URB1: variants seen among roughly 807,000 people sequenced by gnomAD.
URB1 encodes nucleolar pre-ribosomal-associated protein 1.
In URB1, 197 loss-of-function variants were observed where a neutral mutation model predicts 242.3. The observed-to-expected ratio is 0.81, with a 90% confidence interval of 0.72 to 0.91. URB1 has a LOEUF of 0.91. URB1 is among the 40% of genes least tolerant of loss of function. The probability of loss-of-function intolerance (pLI) is 0.00; values close to 1 mark genes in which losing one functional copy is unlikely to be tolerated. For synonymous variants in URB1, 1,153 were observed against 1,201.8 expected (o/e 0.96, Z 0.84); for missense variants, 2,721 against 2,860.5 (o/e 0.95, Z 1.11).
At position 32,344,763 on chromosome 21, in the gene URB1, CAGG is replaced by C. The variant is rs1568817742; in HGVS notation, c.4071-10_4071-8del. 1.3e-6 allele frequency: 2 copies of C among 1,549,194 alleles called. No individual in the cohort carries two copies. Among genetic ancestry groups the C allele is most frequent in the African/African-American group, 1.4e-5 (1 of 73,074 alleles). On this transcript the variant is annotated splice_region_variant and splice_polypyrimidine_tract_variant and intron_variant, in intron 23 of 38. Coordinates refer to ENST00000382751, the MANE Select transcript of URB1 (RefSeq NM_014825.3). ...GGAGTCGGCCACGATCCACCTGCAG[CAGG>C]AGATGAGAGTCAGAGACAGAGAGCA...
Position 32,349,392 on chromosome 21 carries a change from T to C in URB1, c.2924A>G (p.Asn975Ser), listed in dbSNP as rs778785919. The C allele has an allele frequency of 1.2e-5, 18 of 1,551,370 alleles. No individual in the cohort carries two copies. The highest frequency in any genetic ancestry group is 2.6e-6 in the Non-Finnish European group (3 of 1,146,972). ...CCGGGCGGCCTCGCATCTCTGCTGGTTCTGGGCATCCAGCTGCTCACAGTG... is the reference window on the plus strand; with the variant it reads ...CCGGGCGGCCTCGCATCTCTGCTGGCTCTGGGCATCCAGCTGCTCACAGTG... ...VVHCEQLDAQ[N>S]QQRCEAARAE... Residue 975 changes from asparagine to serine, a missense_variant, in exon 21 of 39, where the codon AAC (asparagine) becomes AGC (serine). Physicochemically the swap from Asn to Ser is conservative, Grantham distance 46. Transcript: ENST00000382751.
In URB1 at chr21:32,313,045, AGAAGGT is replaced by A. The variant is rs2032617254; in HGVS notation, c.*1867_*1872del. On this transcript the variant is annotated 3_prime_UTR_variant, in exon 39 of 39. Transcript: ENST00000382751. ...CTGATGAGCTCCAGAGATGCAGAAA[AGAAGGT>A]GAGGTGCTGAAAATGTGTCCTCACT... 1.3e-5 allele frequency: 2 copies of A among 152,286 alleles called. No individual in the cohort carries two copies. Among genetic ancestry groups the A allele is most frequent in the East Asian group, 3.9e-4 (2 of 5,186 alleles). 9.4% of individuals were successfully genotyped at this position (152,286 alleles called of 1,614,324 possible).
At chr21:32,375,265 GT>G (rs2033446409) in intron 6 of URB1, 132 bp downstream of exon 6, 1 of 520,848 alleles carries the variant, frequency 1.9e-6, no homozygotes, top group South Asian at 4.7e-5. Context: ...TTAGGGAAGA[GT>G]TTTCCACTCA....
At chr21:32,391,562 T>C (rs905523807) in intron 1 of URB1, among the ~76,000 whole-genome samples, 2 of 152,162 alleles carry the variant, frequency 1.3e-5, no homozygotes, top group South Asian at 2.1e-4. Flanking sequence ...AACCCCACAA[T>C]GGCAGAGGCT....
rs1219514200 is a variant in URB1 at position 32,325,217 on chromosome 21, C to A, written c.5121+12G>T. ...CCACCCCCACAGTAGGATGTACGCT[C>A]TTCCTACTTACCTGGGACTGCTCTT... On this transcript the variant is annotated intron_variant, in intron 31 of 38. Coordinates refer to ENST00000382751, the MANE Select transcript of URB1 (RefSeq NM_014825.3). 3 of 1,547,090 alleles carry A rather than the reference C, an allele frequency of 1.9e-6. No homozygotes were observed. The highest frequency in any genetic ancestry group is 2.6e-6 in the Non-Finnish European group (3 of 1,143,718).
chr21:32,324,544 G>T lies in URB1; in HGVS notation c.5180C>A (p.Thr1727Asn). ...NGIRTQDMRL[T>N]FTLALFIAKA... ...GGCAATGAAGAGAGCCAAGGTAAAA[G>T]TAAGTCTCATGTCCTGAGTTCGAAT... Residue 1727 changes from threonine to asparagine, a missense_variant, in exon 32 of 39, where the codon ACT becomes AAT. By Grantham distance (65) the Thr-to-Asn change is moderately conservative. Coordinates refer to ENST00000382751, the MANE Select transcript of URB1 (RefSeq NM_014825.3). 1.3e-6 allele frequency: 2 copies of T among 1,551,908 alleles called. No homozygotes were observed. Among genetic ancestry groups the T allele is most frequent in the Non-Finnish European group, 8.7e-7 (1 of 1,147,028 alleles).
In URB1 at chr21:32,337,500, G is replaced by A; in HGVS notation, c.4525C>T (p.Leu1509=). ...CACATCTCCACCACCGTCAGCATCA[G>A]GTCCACCAGCGCTTCTGCAAGAAAA... ...DSQVKEALVD[L]MLTVVEMCPS... is the part of the protein sequence containing the mutation. The change falls in exon 27 of 39, where the codon CTG becomes TTG. Residue 1509 remains leucine, a synonymous_variant. Coordinates refer to ENST00000382751, the MANE Select transcript of URB1 (RefSeq NM_014825.3). 1.3e-6 allele frequency: 2 copies of A among 1,551,576 alleles called. No homozygotes were observed. Among genetic ancestry groups the A allele is most frequent in the Non-Finnish European group, 1.7e-6 (2 of 1,146,986 alleles).
rs368817965 is a variant in URB1 at position 32,392,998 on chromosome 21, G to T, written c.-88C>A. On this transcript the variant is annotated 5_prime_UTR_variant, in exon 1 of 39. Transcript: ENST00000382751. ...CACAGACAGCAGACACGCGCTTCAG[G>T]CCCACATGGCGCAGGAAGAGGCGGG... is the stretch of plus-strand genomic sequence containing the variant. The T allele has an allele frequency of 1.4e-6, 2 of 1,392,956 alleles. No individual in the cohort carries two copies. Among genetic ancestry groups the T allele is most frequent in the African/African-American group, 3.0e-5 (2 of 67,114 alleles). The allele number at this position is 1,392,956 out of a possible 1,614,324, so 86.3% of individuals were successfully genotyped here.
chr21:32,316,364 A>T (rs2032685165), intron 38 of URB1, 102 bp downstream of exon 38: 2 of 1,426,382 alleles, frequency 1.4e-6, no homozygotes, highest in East Asian at 2.5e-5. Flanking sequence ...CAGCTGAGGA[A>T]GTCAGCAGAA....
chr21:32,386,780 A>AT (rs1040221247), intron 1 of URB1, among the ~76,000 whole-genome samples: 1 of 152,102 alleles, frequency 6.6e-6, no homozygotes, highest in East Asian at 1.9e-4. Flanking sequence ...AGGTATGAGT[A>AT]TTTTTTTCCC....
intron 17 of URB1, among the ~76,000 whole-genome samples, 161 bp downstream of exon 17, chr21:32,354,698 C>T (rs2033198675): frequency 2.6e-5 from 4 of 152,182 alleles, no homozygotes; most frequent in Admixed American, 2.6e-4. Context: ...ATTACATGAA[C>T]ACATAAGGAG....
At chr21:32,325,410 C>T (rs1568809890) in intron 30 of URB1, 21 bp from the exon 31 acceptor site, 4 of 1,541,564 alleles carry the variant, frequency 2.6e-6, no homozygotes, top group Non-Finnish European at 3.5e-6. Flanking sequence ...TGAAATACAG[C>T]ATGAAACACA....
At position 32,325,371 on chromosome 21, in the gene URB1, C is replaced by G; in HGVS notation, c.4979G>C (p.Arg1660Pro). Residue 1660 changes from arginine to proline, a missense_variant, in exon 31 of 39, where the codon CGA (arginine) becomes CCA (proline). Physicochemically the swap from Arg to Pro is moderately radical, Grantham distance 103 (BLOSUM62 -2). Transcript: ENST00000382751. ...LTRPEFVVDC[R>P]KFLDSNALGL... ...CAGAGCATTTGAATCCAAAAATTTT[C>G]GACAATCCACCACAAACTCTGCAGG... 1 of 1,550,652 alleles carries G rather than the reference C, an allele frequency of 6.4e-7. No individual in the cohort carries two copies. Among genetic ancestry groups the G allele is most frequent in the Non-Finnish European group, 8.7e-7 (1 of 1,146,140 alleles).
intron 30 of URB1, among the ~76,000 whole-genome samples, chr21:32,327,282 T>G (rs982094915): frequency 6.6e-6 from 1 of 152,184 alleles, no homozygotes; most frequent in African/African-American, 2.4e-5. Context: ...AATGGCAGAT[T>G]TCTTGTCAGA....
Position 32,314,568 on chromosome 21 carries a change from C to CAGAACACT in URB1, c.*349_*350insAGTGTTCT. 1.2e-6 allele frequency: 2 copies of CAGAACACT among 1,614,120 alleles called. No homozygotes were observed. Among genetic ancestry groups the CAGAACACT allele is most frequent in the Non-Finnish European group, 1.7e-6 (2 of 1,179,940 alleles). On this transcript the variant is annotated 3_prime_UTR_variant, in exon 39 of 39. Coordinates refer to ENST00000382751, the MANE Select transcript of URB1 (RefSeq NM_014825.3). Reference sequence around the variant, plus strand: ...CATTTCAGCTTTAACACAGATGAATCTCTTCTGCATTCAGAAGTGCTGCCT... The same window carrying CAGAACACT: ...CATTTCAGCTTTAACACAGATGAATCAGAACACTTCTTCTGCATTCAGAAGTGCTGCCT...
intron 5 of URB1, among the ~76,000 whole-genome samples, chr21:32,377,710 A>G (rs1167685259): frequency 1.3e-5 from 2 of 152,030 alleles, no homozygotes; most frequent in African/African-American, 4.8e-5. Flanking sequence ...GGCAGTCCAG[A>G]TCTCCCATCC....
At chr21:32,391,607 G>A (rs562489725) in intron 1 of URB1, among the ~76,000 whole-genome samples, 3 of 152,178 alleles carry the variant, frequency 2.0e-5, no homozygotes, top group Admixed American at 1.3e-4. Context: ...TATCTCTACC[G>A]TAGCAAATAA....
intron 16 of URB1, 36 bp from the exon 17 acceptor site, chr21:32,355,033 T>C: frequency 1.3e-6 from 2 of 1,519,992 alleles, no homozygotes; most frequent in Non-Finnish European, 1.8e-6. Context: ...AGCATTCAGA[T>C]GGTCACAGGT....
chr21:32,385,439 C>T, intron 2 of URB1, 106 bp downstream of exon 2: 1 of 1,434,384 alleles, frequency 7.0e-7, no homozygotes, highest in Non-Finnish European at 9.2e-7. Flanking sequence ...GCATCATTTT[C>T]TATAGAAAGT....
Sources: allele counts gnomAD v4.1 joint callset (sites outside exome capture counted in the v4.1 genomes callset), GRCh38; gene constraint gnomAD v4.1.1; transcripts MANE v1.5; gene names NCBI Gene and HGNC (gene_info 2026-07-23, HGNC 2026-07-21).